Variants in TENM3 observed in about 807,000 individuals in gnomAD.
TENM3 encodes the protein teneurin transmembrane protein 3, also known as teneurin-3.
A neutral mutation model predicts 255.1 loss-of-function variants in TENM3; 63 were observed. The ratio of observed to expected loss-of-function variants is 0.25; its 90% CI spans 0.20 to 0.30. The LOEUF (loss-of-function observed/expected upper bound fraction) is 0.30. Ranked by LOEUF, TENM3 falls within the 10% of genes least tolerant of loss-of-function variation. TENM3 has a pLI of 1.00. For synonymous variants in TENM3, 1,306 were observed against 1,322.3 expected (o/e 0.99, Z 0.27); for missense variants, 2,929 against 3,461.1 (o/e 0.85, Z 3.86).
At chr4:182,184,493 G>GT (rs3071525) in intron 1 of TENM3, among the ~76,000 whole-genome samples, 21 of 126,460 alleles carry the variant, frequency 1.7e-4, no homozygotes, top group African/African-American at 3.1e-4. Flanking sequence ...GCATGGTTGA[G>GT]TTTTTTTTTT....
rs371460483 is a variant in TENM3 at position 182,734,933 on chromosome 4, G to A, written c.2968-1875G>A. Reference sequence around the variant, plus strand: ...TCATGGAAAACCTGTCAAATGTATCGGAAATTATTTTGAAAATAAGAGGAA... The same window carrying A: ...TCATGGAAAACCTGTCAAATGTATCAGAAATTATTTTGAAAATAAGAGGAA... On this transcript the variant is annotated intron_variant, in intron 16 of 27. Transcript: ENST00000511685. Among the ~76,000 whole-genome samples the A allele has an allele frequency of 1.3e-4, 20 of 152,190 alleles. No homozygotes were observed. The South Asian group carries it at 1.5e-3, about 11-fold the overall frequency.
chr4:182,259,365 T>G (rs1344855623), intron 1 of TENM3, among the ~76,000 whole-genome samples: 1 of 152,202 alleles, frequency 6.6e-6, no homozygotes, highest in Non-Finnish European at 1.5e-5. Flanking sequence ...CAGGCTGGAG[T>G]GTAGTGGTGC....
At chr4:182,625,635 C>G (rs1298890665) in intron 4 of TENM3, among the ~76,000 whole-genome samples, 2 of 152,176 alleles carry the variant, frequency 1.3e-5, no homozygotes, top group Non-Finnish European at 2.9e-5. Flanking sequence ...CAAAGATGAT[C>G]ATTTGGCCCT....
At chr4:181,860,439 G>A in the TENM3 span, among the ~76,000 whole-genome samples, 2 of 152,140 alleles carry the variant, frequency 1.3e-5, no homozygotes, top group South Asian at 4.1e-4. Context: ...TTACATGACT[G>A]TATCAAATTT....
chr4:181,926,880 G>C, the TENM3 span, among the ~76,000 whole-genome samples: 1 of 151,716 alleles, frequency 6.6e-6, no homozygotes, highest in African/African-American at 2.4e-5. Context: ...AGCAGGGTGG[G>C]GCATCACCTC....
the TENM3 span, among the ~76,000 whole-genome samples, chr4:181,665,225 G>A: frequency 0.58 from 87,733 of 151,988 alleles, 25,869 homozygotes; most frequent in African/African-American, 0.67. Flanking sequence ...AGATACCTGG[G>A]ACATCCTAGG....
chr4:182,792,530 A>G lies in TENM3; in HGVS notation c.5858A>G (p.Gln1953Arg). The G allele has an allele frequency of 6.2e-7, 1 of 1,614,080 alleles. No homozygotes were observed. Among genetic ancestry groups the G allele is most frequent in the Non-Finnish European group, 8.5e-7 (1 of 1,179,904 alleles). The change falls in exon 26 of 28, where the codon CAG becomes CGG. Residue 1953 changes from glutamine (Q) to arginine (R), a missense_variant. By Grantham distance (43) the Gln-to-Arg change is conservative. This residue lies in a region of TENM3 where 303 missense variants were observed against 425.2 expected (regional missense o/e 0.71). Coordinates refer to ENST00000511685, the MANE Select transcript of TENM3 (RefSeq NM_001080477.4). The surrounding 1 kb of genome is among the most constrained non-coding windows in gnomAD (Gnocchi z 6.3). ...SRRVLFKYRR[Q>R]TRLSEILYDS... Reference sequence around the variant, plus strand: ...AGGGTCTTATTCAAATACAGAAGGCAGACTAGGCTCTCAGAAATTTTATAT... The same window carrying G: ...AGGGTCTTATTCAAATACAGAAGGCGGACTAGGCTCTCAGAAATTTTATAT...
chr4:181,888,520 A>ATATATATATATATATATGTG, the TENM3 span, among the ~76,000 whole-genome samples: 86 of 92,150 alleles, frequency 9.3e-4, 1 homozygote, highest in African/African-American at 4.3e-3. Flanking sequence ...ATATATGTAT[A>ATATATATATATATATATGTG]TATATACATA....
the TENM3 span, among the ~76,000 whole-genome samples, chr4:181,912,111 A>G: frequency 6.6e-6 from 1 of 152,212 alleles, no homozygotes; most frequent in South Asian, 2.1e-4. Flanking sequence ...CCACAAAGCT[A>G]TTTAAGCTAT....
At chr4:182,612,113 CA>C (rs565705985) in intron 4 of TENM3, among the ~76,000 whole-genome samples, 2 of 150,204 alleles carry the variant, frequency 1.3e-5, no homozygotes, top group Non-Finnish European at 1.5e-5. Context: ...ACTAAAAATA[CA>C]AAAAAAAATT....
intron 3 of TENM3, among the ~76,000 whole-genome samples, chr4:182,363,621 A>G (rs1766192383): frequency 6.6e-6 from 1 of 152,134 alleles, no homozygotes; most frequent in Non-Finnish European, 1.5e-5. Context: ...CATTATTTTA[A>G]AGAATATGTA....
chr4:181,819,986 T>TAAAAA, the TENM3 span: 1 of 141,462 alleles, frequency 7.1e-6, no homozygotes. Context: ...GTAGTAATAC[T>TAAAAA]AAAAAAAAAA....
the TENM3 span, among the ~76,000 whole-genome samples, chr4:182,002,737 T>A: frequency 6.6e-6 from 1 of 152,218 alleles, no homozygotes; most frequent in South Asian, 2.1e-4. Flanking sequence ...ATACTAATAA[T>A]AAAACATTGA....
chr4:181,576,324 C>G, the TENM3 span, among the ~76,000 whole-genome samples: 2 of 152,188 alleles, frequency 1.3e-5, no homozygotes, highest in Admixed American at 1.3e-4. Context: ...TATATATACA[C>G]ATTCTCTTCA....
At chr4:181,675,887 C>T in the TENM3 span, among the ~76,000 whole-genome samples, 49,069 of 151,798 alleles carry the variant, frequency 0.32, 8,481 homozygotes, top group Non-Finnish European at 0.39. Context: ...ATTGGAAGGT[C>T]TGATAATAAA....
the TENM3 span, among the ~76,000 whole-genome samples, chr4:181,889,110 G>A: frequency 6.6e-6 from 1 of 152,130 alleles, no homozygotes; most frequent in Non-Finnish European, 1.5e-5. Context: ...GACATGGTTT[G>A]GATATTTGTC....
the TENM3 span, among the ~76,000 whole-genome samples, chr4:181,794,704 C>G: frequency 1.1e-5 from 1 of 90,828 alleles, no homozygotes; most frequent in Non-Finnish European, 2.5e-5. Flanking sequence ...GTGTGTACAG[C>G]ACTTTTTATT....
chr4:182,793,301 A>G lies in TENM3; in HGVS notation c.6629A>G (p.Lys2210Arg), dbSNP rs1329021004. The G allele has an allele frequency of 6.2e-7, 1 of 1,613,742 alleles. No homozygotes were observed. Among genetic ancestry groups the G allele is most frequent in the African/African-American group, 1.3e-5 (1 of 74,920 alleles). Reference protein sequence around the residue: ...RGTEIFEYSSKGLLTRVYSKG... With the variant: ...RGTEIFEYSSRGLLTRVYSKG... The stretch of plus-strand genomic sequence containing the variant: ...ACGGAAATCTTTGAATATAGCTCCA[A>G]GGGGCTTCTAACTCGAGTTTACAGT... The change falls in exon 26 of 28, where the codon AAG (lysine) becomes AGG (arginine). Residue 2210 changes from lysine to arginine, a missense_variant. Physicochemically the swap from Lys to Arg is conservative, Grantham distance 26. Coordinates refer to ENST00000511685, the MANE Select transcript of TENM3 (RefSeq NM_001080477.4). The surrounding 1 kb of genome is among the most constrained non-coding windows in gnomAD (Gnocchi z 5.7).
At chr4:182,082,638 G>A in the TENM3 span, among the ~76,000 whole-genome samples, 1 of 152,206 alleles carries the variant, frequency 6.6e-6, no homozygotes, top group African/African-American at 2.4e-5. Flanking sequence ...AGCTGAAACA[G>A]AAGAGCTGCT....
Sources: allele counts gnomAD v4.1 joint callset (sites outside exome capture counted in the v4.1 genomes callset), GRCh38; gene constraint gnomAD v4.1.1; regional missense constraint gnomAD v4.1.1; non-coding constraint Gnocchi (gnomAD v3.1); transcripts MANE v1.5; gene names NCBI Gene and HGNC (gene_info 2026-07-23, HGNC 2026-07-21).